TEX11: variants seen among roughly 807,000 people sequenced by gnomAD.
TEX11 encodes testis-expressed protein 11.
Under a neutral mutation model 84.4 loss-of-function variants are expected in TEX11, and 7 were observed. The observed-to-expected ratio is 0.08, with a 90% confidence interval of 0.05 to 0.16. The LOEUF is 0.16. Among genes scored for constraint, TEX11 ranks in the 10% least tolerant of loss-of-function variants. TEX11 has a pLI of 1.00. For synonymous variants in TEX11, 264 were observed against 222.8 expected (o/e 1.18, Z -1.64); for missense variants, 551 against 660.5 (o/e 0.83, Z 1.82).
chrX:70,742,697 C>T (rs957213102), intron 10 of TEX11, among the ~76,000 whole-genome samples: 20 of 110,671 alleles, frequency 1.8e-4, no homozygotes, highest in Admixed American at 2.9e-4. Flanking sequence ...CACTGCCCTC[C>T]AGCCTGGGTG....
At chrX:70,534,206 A>G (rs1399970851) in intron 28 of TEX11, among the ~76,000 whole-genome samples, 1 of 110,702 alleles carries the variant, frequency 9.0e-6, no homozygotes, top group African/African-American at 3.3e-5. Flanking sequence ...TGAGATCACT[A>G]AACTAGCTAA....
downstream of TEX11, among the ~76,000 whole-genome samples, chrX:70,527,925 A>G (rs2087838434): frequency 8.9e-6 from 1 of 112,208 alleles, no homozygotes; most frequent in South Asian, 3.7e-4. Flanking sequence ...TGTCAAAATC[A>G]AAAGTTTAAA....
intron 25 of TEX11, among the ~76,000 whole-genome samples, chrX:70,583,162 T>C (rs1487787387): frequency 4.5e-5 from 5 of 111,524 alleles, no homozygotes; most frequent in Non-Finnish European, 7.5e-5. Context: ...CATGGATATA[T>C]TAAGTAGTAG....
At chrX:70,700,013 C>A (rs1400770088) in intron 13 of TEX11, among the ~76,000 whole-genome samples, 3 of 111,557 alleles carry the variant, frequency 2.7e-5, no homozygotes, top group Non-Finnish European at 5.6e-5. Flanking sequence ...AACTATAGAA[C>A]AATATCAAAG....
At chrX:70,711,020 A>T (rs4490991) in intron 13 of TEX11, among the ~76,000 whole-genome samples, 43,214 of 105,915 alleles carry the variant, frequency 0.41, 7,846 homozygotes, top group East Asian at 0.57. Context: ...TTCCCACCTA[A>T]GAGTGAGAAC....
At chrX:70,684,413 C>T (rs2090171157) in intron 13 of TEX11, among the ~76,000 whole-genome samples, 1 of 111,540 alleles carries the variant, frequency 9.0e-6, no homozygotes, top group African/African-American at 3.3e-5. Context: ...TGGTGAAACC[C>T]TGTCTCTGCT....
chrX:70,537,234 G>T (rs1175169183), intron 28 of TEX11, among the ~76,000 whole-genome samples: 1 of 111,496 alleles, frequency 9.0e-6, no homozygotes, highest in Non-Finnish European at 1.9e-5. Context: ...GTAGGTCTAA[G>T]TTTTTACGAG....
intron 25 of TEX11, among the ~76,000 whole-genome samples, chrX:70,556,399 T>C (rs73216773): frequency 0.091 from 10,151 of 111,668 alleles, 476 homozygotes; most frequent in Middle Eastern, 0.21. Context: ...AAGTATGTTG[T>C]TTAATTTCCA....
At chrX:70,631,221 T>A (rs947444738) in intron 17 of TEX11, among the ~76,000 whole-genome samples, 1 of 111,898 alleles carries the variant, frequency 8.9e-6, no homozygotes, top group African/African-American at 3.2e-5. Flanking sequence ...ATGAAATATT[T>A]ACCAAGAAAA....
intron 13 of TEX11, among the ~76,000 whole-genome samples, chrX:70,717,137 C>T (rs2090512077): frequency 2.9e-5 from 3 of 104,651 alleles, no homozygotes; most frequent in Non-Finnish European, 3.9e-5. Context: ...TGCTCTCTGT[C>T]TCCTAATGAA....
intron 25 of TEX11, among the ~76,000 whole-genome samples, chrX:70,579,312 C>G (rs1338079704): frequency 3.9e-5 from 4 of 101,904 alleles, no homozygotes; most frequent in Non-Finnish European, 8.0e-5. Context: ...CACGGTGAAA[C>G]CCCATCTCTA....
chrX:70,527,580 C>T (rs2087835186), downstream of TEX11, among the ~76,000 whole-genome samples: 1 of 112,002 alleles, frequency 8.9e-6, no homozygotes, highest in African/African-American at 3.3e-5. Context: ...CTAAATACAA[C>T]TTATAATCCT....
chrX:70,760,978 A>C (rs2090904936), intron 9 of TEX11, among the ~76,000 whole-genome samples: 1 of 112,340 alleles, frequency 8.9e-6, no homozygotes. Flanking sequence ...TCAAAAGAAA[A>C]CATTTATGCA....
intron 25 of TEX11, among the ~76,000 whole-genome samples, chrX:70,588,033 G>A (rs768830528): frequency 1.8e-5 from 2 of 112,371 alleles, no homozygotes; most frequent in South Asian, 3.7e-4. Context: ...ATTTGGAATG[G>A]GTGTATTTAC....
chrX:70,535,755 A>C (rs1338776601), intron 28 of TEX11, among the ~76,000 whole-genome samples: 1 of 109,789 alleles, frequency 9.1e-6, no homozygotes, highest in Non-Finnish European at 1.9e-5. Context: ...TTCAAAAAAA[A>C]ACCCACAAAA....
At chrX:70,643,949 C>T (rs2147594395) in intron 17 of TEX11, among the ~76,000 whole-genome samples, 1 of 104,469 alleles carries the variant, frequency 9.6e-6, no homozygotes, top group East Asian at 3.0e-4. Flanking sequence ...AGAGCTTCTG[C>T]ACAGCAAAAG....
In TEX11 at chrX:70,615,972, G is replaced by T. The variant is rs1023845649; in HGVS notation, c.1752-5429C>A. On this transcript the variant is annotated intron_variant, in intron 20 of 29. Transcript: ENST00000374333. ...TGTAGGAGAAATAAAGGCTTTCCCA[G>T]ACAAACAAAAGCTGAGGGATTTCGT... Among the ~76,000 whole-genome samples the T allele has an allele frequency of 9.9e-5, 11 of 111,452 alleles. No individual in the cohort carries two copies. The East Asian group carries it at 3.1e-3, about 31-fold the overall frequency.
intron 18 of TEX11, among the ~76,000 whole-genome samples, chrX:70,625,851 G>T (rs1215752724): frequency 1.9e-5 from 2 of 104,813 alleles, no homozygotes; most frequent in Non-Finnish European, 3.9e-5. Context: ...GGGTTCAAGC[G>T]ATTCTCCTGC....
At chrX:70,614,864 G>C (rs185615102) in intron 20 of TEX11, among the ~76,000 whole-genome samples, 2 of 111,149 alleles carry the variant, frequency 1.8e-5, no homozygotes, top group African/African-American at 6.6e-5. Flanking sequence ...GACTCCGTTT[G>C]TTTGGGGGAA....
Sources: gnomAD v4.1 joint callset for allele counts (sites outside exome capture counted in the v4.1 genomes callset) on GRCh38, gnomAD v4.1.1 for gene constraint, MANE v1.5 for transcripts, NCBI Gene and HGNC (gene_info 2026-07-23, HGNC 2026-07-21) for gene names.